CCDC66: variants seen among roughly 807,000 people sequenced by gnomAD.
CCDC66 encodes coiled-coil domain-containing protein 66.
A neutral mutation model predicts 128.3 loss-of-function variants in CCDC66; 133 were observed. The ratio of observed to expected loss-of-function variants is 1.04; its 90% CI spans 0.90 to 1.20. The LOEUF (loss-of-function observed/expected upper bound fraction) is 1.20. Ranked by LOEUF, CCDC66 falls within the 50% of genes most tolerant of loss-of-function variation. The pLI is 0.00. For missense variants in CCDC66, 1,126 were observed against 1,075.5 expected, an observed-to-expected ratio of 1.05 and a Z score of -0.66; for synonymous variants, 387 against 357.0, an observed-to-expected ratio of 1.08 and a Z score of -0.95.
chr3:56,598,385 A>G (rs1162380110), intron 10 of CCDC66, among the ~76,000 whole-genome samples: 2 of 151,028 alleles, frequency 1.3e-5, no homozygotes, highest in African/African-American at 4.9e-5. Flanking sequence ...TATTTTATTT[A>G]TTTTCTAATT....
intron 4 of CCDC66, among the ~76,000 whole-genome samples, chr3:56,565,455 T>C (rs1408789779): frequency 8.0e-5 from 11 of 137,372 alleles, no homozygotes; most frequent in Non-Finnish European, 1.6e-4. Context: ...TTTTTTTTTT[T>C]CTTTTTTTTG....
At chr3:56,566,875 T>C in intron 5 of CCDC66, 75 bp from the exon 6 acceptor site, 9 of 1,481,418 alleles carry the variant, frequency 6.1e-6, no homozygotes, top group Non-Finnish European at 8.4e-6. Context: ...TAAAAGCTTA[T>C]TACTTAATAT....
intron 10 of CCDC66, among the ~76,000 whole-genome samples, chr3:56,599,424 T>C (rs1381502641): frequency 6.6e-6 from 1 of 152,078 alleles, no homozygotes; most frequent in Non-Finnish European, 1.5e-5. Flanking sequence ...CTAGTGTTTG[T>C]TATTTCTTTC....
chr3:56,621,554 A>AGTT lies in CCDC66; in HGVS notation c.2785_2787dup (p.Leu929dup). 3 of 1,598,734 alleles carry AGTT rather than the reference A, an allele frequency of 1.9e-6. No individual in the cohort carries two copies. The highest frequency in any genetic ancestry group is 2.6e-6 in the Non-Finnish European group (3 of 1,173,270). ...CAGGGCCTTCTCCAGAAGCAAAAGG[A>AGTT]GTTGGAAAGTAGTCTCCTGCCTTTA... On this transcript the variant is annotated inframe_insertion, in exon 18 of 18. Coordinates refer to ENST00000394672, the MANE Select transcript of CCDC66 (RefSeq NM_001141947.3).
intron 6 of CCDC66, chr3:56,570,238 A>C (rs1413776990): frequency 2.0e-5 from 3 of 152,140 alleles, no homozygotes; most frequent in African/African-American, 7.2e-5. Context: ...TTGGAATTTA[A>C]ATTTATACAA....
chr3:56,584,084 G>A lies in CCDC66; in HGVS notation c.937-8886G>A, dbSNP rs1312562770. ...GGGGGCTGCCCCCCACCTCCCTCCC[G>A]GACGGGGCGGCTGGCCGGGCGGGGG... On this transcript the variant is annotated intron_variant, in intron 7 of 17. Coordinates refer to ENST00000394672, the MANE Select transcript of CCDC66 (RefSeq NM_001141947.3). Among the ~76,000 whole-genome samples, 6 of 139,722 alleles carry A rather than the reference G, an allele frequency of 4.3e-5. No individual in the cohort carries two copies. In the South Asian group the frequency reaches 9.0e-4, roughly 21 times the overall value. The allele number at this position is 139,722 out of a possible 152,430, so 91.7% of individuals were successfully genotyped here.
chr3:56,573,935 A>T (rs1447404541), intron 7 of CCDC66, among the ~76,000 whole-genome samples: 2 of 151,796 alleles, frequency 1.3e-5, no homozygotes, highest in Non-Finnish European at 1.5e-5. Flanking sequence ...AAAGTTATTT[A>T]AAAAATTTTT....
chr3:56,582,598 A>G (rs1247745043), intron 7 of CCDC66, among the ~76,000 whole-genome samples: 1 of 151,628 alleles, frequency 6.6e-6, no homozygotes, highest in Non-Finnish European at 1.5e-5. Context: ...GTATGTAGAA[A>G]CACAACTTAT....
chr3:56,596,921 A>ATTTTT (rs34101943), intron 10 of CCDC66, among the ~76,000 whole-genome samples: 4 of 132,314 alleles, frequency 3.0e-5, no homozygotes, highest in Non-Finnish European at 4.8e-5. Flanking sequence ...CACCTGGCTA[A>ATTTTT]TTTTTTTTTT....
intron 3 of CCDC66, among the ~76,000 whole-genome samples, chr3:56,562,126 G>C (rs1296999940): frequency 6.7e-6 from 1 of 150,268 alleles, no homozygotes; most frequent in South Asian, 2.1e-4. Flanking sequence ...CTGCAGCCTC[G>C]ACCTCCTGGG....
intron 6 of CCDC66, among the ~76,000 whole-genome samples, chr3:56,567,499 A>G (rs2066022189): frequency 6.6e-6 from 1 of 152,216 alleles, no homozygotes; most frequent in Non-Finnish European, 1.5e-5. Flanking sequence ...CAAAAGGCAA[A>G]TTAATAAAAG....
intron 7 of CCDC66, among the ~76,000 whole-genome samples, chr3:56,581,385 C>T (rs910368723): frequency 2.6e-5 from 4 of 151,608 alleles, no homozygotes; most frequent in African/African-American, 9.7e-5. Context: ...TTTGTTATTA[C>T]CGATCGTCTG....
chr3:56,589,682 A>C (rs2070504266), intron 7 of CCDC66, among the ~76,000 whole-genome samples: 1 of 152,190 alleles, frequency 6.6e-6, no homozygotes, highest in East Asian at 1.9e-4. Context: ...TTGATGAATG[A>C]CCTAATCACA....
chr3:56,615,318 A>AT lies in CCDC66; in HGVS notation c.1711+50dup, dbSNP rs374993386. The stretch of plus-strand genomic sequence containing the variant: ...TTATTTATAATATTTTTAGAAGATG[A>AT]TTTTAAATAATTCCTTTTTATCTTT... On this transcript the variant is annotated intron_variant, in intron 12 of 17. Transcript: ENST00000394672. The AT allele has an allele frequency of 5.0e-4, 759 of 1,529,330 alleles. 10 individuals are homozygous for AT. In the African/African-American group the frequency reaches 9.8e-3, roughly 20 times the overall value. The allele number at this position is 1,529,330 out of a possible 1,614,324, so 94.7% of individuals were successfully genotyped here. A position where few individuals can be genotyped will look rare whatever the true frequency, so the allele number is the denominator to read the frequency against.
Position 56,593,657 on chromosome 3 carries a change from C to T in CCDC66, c.1235C>T (p.Thr412Ile). The T allele has an allele frequency of 6.2e-7, 1 of 1,614,138 alleles. No homozygotes were observed. The highest frequency in any genetic ancestry group is 1.1e-5 in the South Asian group (1 of 91,084). Reference sequence around the variant, plus strand: ...GTCAGCAGTGTTTGTACACCTACAACCGGAAGCCAGGTTGAACCTTCAGAG... The same window carrying T: ...GTCAGCAGTGTTTGTACACCTACAATCGGAAGCCAGGTTGAACCTTCAGAG... ...ADVSSVCTPTTGSQVEPSEEE... is the reference protein window; with the variant it reads ...ADVSSVCTPTIGSQVEPSEEE... The change falls in exon 9 of 18, where the codon ACC becomes ATC. Residue 412 changes from threonine (T) to isoleucine (I), a missense_variant. Thr to Ile is a moderately conservative substitution (Grantham distance 89). Transcript: ENST00000394672.
intron 7 of CCDC66, among the ~76,000 whole-genome samples, chr3:56,572,077 CTATT>C (rs759518817): frequency 3.3e-5 from 5 of 152,116 alleles, no homozygotes; most frequent in Non-Finnish European, 5.9e-5. Context: ...TAACTGGTCT[CTATT>C]TACATTCTGT....
intron 7 of CCDC66, among the ~76,000 whole-genome samples, chr3:56,582,852 A>ATTC (rs1294269980): frequency 4.1e-4 from 37 of 91,172 alleles, no homozygotes; most frequent in Non-Finnish European, 6.5e-4. Flanking sequence ...AACTTTCTTT[A>ATTC]TTATTATTAT....
At chr3:56,581,076 C>G (rs1559656412) in intron 7 of CCDC66, among the ~76,000 whole-genome samples, 1 of 151,818 alleles carries the variant, frequency 6.6e-6, no homozygotes, top group Non-Finnish European at 1.5e-5. Flanking sequence ...TTCACATAGT[C>G]CCATATTTCT....
intron 10 of CCDC66, among the ~76,000 whole-genome samples, chr3:56,594,424 C>T (rs560756100): frequency 2.6e-5 from 4 of 151,978 alleles, no homozygotes; most frequent in East Asian, 1.9e-4. Flanking sequence ...CGGTGGCTCA[C>T]GCCTGTAATC....
Sources: allele counts gnomAD v4.1 joint callset (sites outside exome capture counted in the v4.1 genomes callset), GRCh38; gene constraint gnomAD v4.1.1; transcripts MANE v1.5; gene names NCBI Gene and HGNC (gene_info 2026-07-23, HGNC 2026-07-21).